Variants in CREBRF observed in about 807,000 individuals in gnomAD.
CREBRF encodes the protein CREB3 regulatory factor.
In CREBRF, 5 loss-of-function variants were observed where a neutral mutation model predicts 66.1. The observed-to-expected ratio is 0.08, with a 90% CI of 0.04 to 0.16. CREBRF has a LOEUF of 0.16. CREBRF is among the 10% of genes least tolerant of loss of function. The pLI is 1.00. For synonymous variants in CREBRF, 229 were observed against 264.4 expected (o/e 0.87, Z 1.30); for missense variants, 531 against 744.9 (o/e 0.71, Z 3.34).
intron 7 of CREBRF, among the ~76,000 whole-genome samples, chr5:173,119,295 C>T (rs75489267): frequency 0.062 from 9,394 of 152,154 alleles, 347 homozygotes; most frequent in Middle Eastern, 0.17. Flanking sequence ...TGGAGTTTTC[C>T]GATCCATGGA....
At chr5:173,125,018 A>T (rs565303307) in intron 8 of CREBRF, among the ~76,000 whole-genome samples, 102 of 149,810 alleles carry the variant, frequency 6.8e-4, no homozygotes, top group African/African-American at 2.5e-3. Flanking sequence ...TCCCAGGTTC[A>T]GGTGATTCTC....
chr5:173,070,931 T>C (rs1308419681), intron 1 of CREBRF, among the ~76,000 whole-genome samples: 2 of 152,120 alleles, frequency 1.3e-5, no homozygotes, highest in African/African-American at 4.8e-5. Flanking sequence ...GGATGACTGC[T>C]CGGAAGGGCA....
At chr5:173,081,509 T>A (rs551129987) in intron 2 of CREBRF, among the ~76,000 whole-genome samples, 1 of 152,282 alleles carries the variant, frequency 6.6e-6, no homozygotes, top group Non-Finnish European at 1.5e-5. Flanking sequence ...GGTGGCTTTT[T>A]GTGTTGCCAT....
At chr5:173,092,474 T>G in intron 4 of CREBRF, 1 of 930,652 alleles carries the variant, frequency 1.1e-6, no homozygotes, top group Non-Finnish European at 1.3e-6. Flanking sequence ...ATAAAAATAG[T>G]ATTGCCAAGT....
intron 7 of CREBRF, among the ~76,000 whole-genome samples, chr5:173,120,947 C>G (rs1759125794): frequency 6.6e-6 from 1 of 152,156 alleles, no homozygotes. Flanking sequence ...CCCGCCTCAG[C>G]CTCCCAAAGT....
rs371141779 is a variant in CREBRF, at chr5:173,098,248, C to T, written c.1222+6847C>T. Among the ~76,000 whole-genome samples, 468 of 150,012 alleles carry T rather than the reference C, an allele frequency of 3.1e-3. 2 individuals carry two copies. The highest frequency in any genetic ancestry group is 0.011 in the African/African-American group (443 of 40,720). On this transcript the variant is annotated intron_variant, in intron 4 of 8. Transcript: ENST00000296953. Reference sequence around the variant, plus strand: ...TGTCACCCAGGCTGGAGCGCAGTGGCGCAATCTCTGCTCACTGCAAGCTCC... The same window carrying T: ...TGTCACCCAGGCTGGAGCGCAGTGGTGCAATCTCTGCTCACTGCAAGCTCC...
In CREBRF at chr5:173,090,736, G is replaced by A. The variant is rs773051421; in HGVS notation, c.557G>A (p.Cys186Tyr). 19 of 1,614,042 alleles carry A rather than the reference G, an allele frequency of 1.2e-5. No individual in the cohort carries two copies. The highest frequency in any genetic ancestry group is 3.4e-6 in the Non-Finnish European group (4 of 1,180,034). ...KITSRAAAPV[C>Y]SSKTLQAEVP... ...ACAAGCAGAGCAGCTGCTCCTGTGT[G>A]TTCTTCTAAGACTCTGCAGGCTGAG... Residue 186 changes from cysteine (C) to tyrosine (Y), a missense_variant, in exon 4 of 9, where the codon TGT becomes TAT. Transcript: ENST00000296953. This position sits in a 1 kb window ranked among gnomAD's most constrained non-coding sequence, Gnocchi z 4.5.
At chr5:173,092,190 G>A (rs1758360285) in intron 4 of CREBRF, 1 of 957,696 alleles carries the variant, frequency 1.0e-6, no homozygotes, top group Admixed American at 6.2e-5. Flanking sequence ...AGTGATGATG[G>A]TTTATATTAC....
chr5:173,074,657 C>G lies in CREBRF; in HGVS notation c.-191-5928C>G, dbSNP rs188935033. ...TTATTTTTTGAGACAGAGTCTCACTCTGTTGCCCAGGCTGGAATGCAGTGG... is the reference window on the plus strand; with the variant it reads ...TTATTTTTTGAGACAGAGTCTCACTGTGTTGCCCAGGCTGGAATGCAGTGG... On this transcript the variant is annotated intron_variant, in intron 1 of 8. Coordinates refer to ENST00000296953, the MANE Select transcript of CREBRF (RefSeq NM_153607.3). Among the ~76,000 whole-genome samples the G allele has an allele frequency of 1.4e-3, 205 of 151,696 alleles. 2 individuals carry two copies. Among genetic ancestry groups the G allele is most frequent in the Admixed American group, 0.011 (162 of 15,224 alleles).
intron 1 of CREBRF, among the ~76,000 whole-genome samples, chr5:173,067,028 G>A (rs1041755654): frequency 2.6e-5 from 4 of 151,804 alleles, no homozygotes; most frequent in East Asian, 1.9e-4. Flanking sequence ...TCCCAGGCTC[G>A]TCTGGAACTT....
intron 1 of CREBRF, among the ~76,000 whole-genome samples, chr5:173,077,273 G>A (rs1015600072): frequency 1.3e-5 from 2 of 151,970 alleles, no homozygotes; most frequent in Non-Finnish European, 2.9e-5. Context: ...CCTAAAAAAC[G>A]TAAAAAAAAT....
At chr5:173,109,865 T>C (rs776878187) in intron 5 of CREBRF, 1 of 152,512 alleles carries the variant, frequency 6.6e-6, no homozygotes, top group Non-Finnish European at 1.5e-5. Context: ...CTACTAGAAA[T>C]GAAACATTAA....
At chr5:173,066,640 T>C (rs765814661) in intron 1 of CREBRF, among the ~76,000 whole-genome samples, 5 of 152,116 alleles carry the variant, frequency 3.3e-5, no homozygotes, top group Non-Finnish European at 7.4e-5. Context: ...TCAGTTCTCC[T>C]GCACTCGCCC....
intron 8 of CREBRF, among the ~76,000 whole-genome samples, chr5:173,125,959 T>C (rs1759265677): frequency 1.3e-5 from 2 of 152,308 alleles, no homozygotes; most frequent in Non-Finnish European, 2.9e-5. Context: ...AGGAGGATCA[T>C]GTGAGGTCAA....
intron 2 of CREBRF, among the ~76,000 whole-genome samples, chr5:173,081,210 ATCTC>A (rs1016429581): frequency 4.3e-4 from 65 of 152,122 alleles, no homozygotes; most frequent in African/African-American, 1.5e-3. Context: ...AACCCCTCTC[ATCTC>A]TCTCTTTCTC....
intron 1 of CREBRF, chr5:173,057,802 G>A (rs1392139438): frequency 7.1e-6 from 1 of 140,984 alleles, no homozygotes; most frequent in African/African-American, 2.6e-5. Context: ...TTGAGGGCTG[G>A]GCGGGGTTTC....
intron 3 of CREBRF, among the ~76,000 whole-genome samples, chr5:173,089,728 C>T (rs1215033943): frequency 6.6e-6 from 1 of 151,812 alleles, no homozygotes; most frequent in African/African-American, 2.4e-5. Flanking sequence ...TCTGCCTGCC[C>T]AAGTGTTGTT....
chr5:173,102,657 G>C (rs1349340579), intron 4 of CREBRF, among the ~76,000 whole-genome samples: 1 of 152,082 alleles, frequency 6.6e-6, no homozygotes, highest in African/African-American at 2.4e-5. Context: ...CCTGGCACCT[G>C]TATCTGTGGG....
intron 1 of CREBRF, among the ~76,000 whole-genome samples, chr5:173,066,147 G>A (rs1432262888): frequency 1.3e-5 from 2 of 152,018 alleles, no homozygotes. Context: ...ATAAATTCTT[G>A]CGCACTATCT....
Sources: gnomAD v4.1 joint callset for allele counts (sites outside exome capture counted in the v4.1 genomes callset) on GRCh38, gnomAD v4.1.1 for gene constraint, Gnocchi (gnomAD v3.1) non-coding constraint, MANE v1.5 for transcripts, NCBI Gene and HGNC (gene_info 2026-07-23, HGNC 2026-07-21) for gene names.